CAST: variants seen among roughly 807,000 people sequenced by gnomAD.
CAST encodes MIR583 host.
In CAST, 76 loss-of-function variants were observed where a neutral mutation model predicts 119.6. The ratio of observed to expected loss-of-function variants is 0.64; its 90% CI spans 0.53 to 0.77. The LOEUF is 0.77. Among genes scored for constraint, CAST ranks in the 30% least tolerant of loss-of-function variants. The pLI is 0.00. For synonymous variants in CAST, 319 were observed against 331.6 expected (o/e 0.96, Z 0.41); for missense variants, 953 against 946.5 (o/e 1.01, Z -0.09).
the CAST span, among the ~76,000 whole-genome samples, chr5:96,044,877 A>G: frequency 6.6e-6 from 1 of 152,202 alleles, no homozygotes; most frequent in Admixed American, 6.5e-5. Context: ...AGAGTATATA[A>G]TATATAATTC....
chr5:96,233,541 A>G, the CAST span, among the ~76,000 whole-genome samples: 2 of 152,198 alleles, frequency 1.3e-5, no homozygotes, highest in African/African-American at 4.8e-5. Flanking sequence ...TTGAGTTGAC[A>G]TAAAGCCCTA....
At chr5:96,756,584 A>G (rs1766377378) in intron 22 of CAST, among the ~76,000 whole-genome samples, 1 of 152,200 alleles carries the variant, frequency 6.6e-6, no homozygotes. Context: ...TCAGCACTCA[A>G]AAAGTTTCAA....
At position 96,742,749 on chromosome 5, in the gene CAST, T is replaced by C. The variant is rs1355799280; in HGVS notation, c.1193T>C (p.Val398Ala). The C allele has an allele frequency of 6.2e-7, 1 of 1,611,732 alleles. No individual in the cohort carries two copies. The highest frequency in any genetic ancestry group is 8.5e-7 in the Non-Finnish European group (1 of 1,178,030). ...CTCGACCTCCGCTCAATTAAGGAAG[T>C]CGATGAGGTACTGACCTTAGAGTTG... ...PELDLRSIKEVDEAKAKEEKL... is the reference protein window; with the variant it reads ...PELDLRSIKEADEAKAKEEKL... The change falls in exon 16 of 32, where the codon GTC (valine) becomes GCC (alanine). Residue 398 changes from valine to alanine, a missense_variant. By Grantham distance (64) the Val-to-Ala change is moderately conservative. Transcript: ENST00000675179.
chr5:96,287,922 A>C, the CAST span, among the ~76,000 whole-genome samples: 1 of 152,208 alleles, frequency 6.6e-6, no homozygotes, highest in Non-Finnish European at 1.5e-5. Context: ...AACTTGAAAC[A>C]GAAAATCTTT....
At chr5:96,055,302 AAC>A in the CAST span, among the ~76,000 whole-genome samples, 1 of 152,198 alleles carries the variant, frequency 6.6e-6, no homozygotes, top group African/African-American at 2.4e-5. Context: ...CAATTCTATT[AAC>A]ACAAATTAAG....
the CAST span, among the ~76,000 whole-genome samples, chr5:96,009,626 C>T: frequency 1.3e-5 from 2 of 152,006 alleles, no homozygotes; most frequent in Non-Finnish European, 2.9e-5. Flanking sequence ...TGTCCGTTGC[C>T]TATTTTTTAA....
chr5:96,047,295 A>G, the CAST span, among the ~76,000 whole-genome samples: 1 of 152,298 alleles, frequency 6.6e-6, no homozygotes, highest in South Asian at 2.1e-4. Context: ...CTTCATTGGT[A>G]GTAAGAGAGA....
chr5:96,344,185 T>G, the CAST span, among the ~76,000 whole-genome samples: 1 of 149,178 alleles, frequency 6.7e-6, no homozygotes, highest in Middle Eastern at 3.4e-3. Flanking sequence ...CCGCAAGCCC[T>G]AAAGCAATAG....
rs971402718 is a variant in CAST, at chr5:96,568,331, G to A, written c.60+38451G>A. On this transcript the variant is annotated intron_variant, in intron 1 of 11. Coordinates refer to the CAST transcript ENST00000505143. ...TGTAATCTCAGCACTTTGGGAGGCC[G>A]AAGCAGGCAGATCACTTGAGGTCAG... Among the ~76,000 whole-genome samples the A allele has an allele frequency of 3.3e-5, 5 of 152,170 alleles. 1 individual carries two copies. Among genetic ancestry groups the A allele is most frequent in the South Asian group, 4.2e-4 (2 of 4,818 alleles).
At chr5:96,767,798 T>C (rs1229164893) in intron 28 of CAST, 109 bp from the exon 29 acceptor site, 1 of 691,144 alleles carries the variant, frequency 1.4e-6, no homozygotes, top group African/African-American at 1.8e-5. Flanking sequence ...TGTCAGTCAG[T>C]TTTTTTCTTA....
intron 1 of CAST, among the ~76,000 whole-genome samples, chr5:96,644,999 C>T (rs1747997709): frequency 6.6e-6 from 1 of 152,060 alleles, no homozygotes; most frequent in African/African-American, 2.4e-5. Flanking sequence ...AAATAAAACC[C>T]AAAACTCCAG....
the CAST span, among the ~76,000 whole-genome samples, chr5:96,452,398 A>T: frequency 1.3e-5 from 2 of 152,106 alleles, no homozygotes; most frequent in Non-Finnish European, 2.9e-5. Flanking sequence ...AGGAATAGAA[A>T]ACCAAACACC....
the CAST span, among the ~76,000 whole-genome samples, chr5:96,485,226 C>G: frequency 6.6e-6 from 1 of 152,150 alleles, no homozygotes; most frequent in South Asian, 2.1e-4. Context: ...TGCTGTCTTA[C>G]CTGAAGGAAC....
the CAST span, among the ~76,000 whole-genome samples, chr5:96,123,863 G>A: frequency 3.1e-3 from 474 of 152,174 alleles, 1 homozygote; most frequent in Non-Finnish European, 4.9e-3. Context: ...ATGGCCTATC[G>A]TTCCTTAAAA....
At chr5:96,718,734 C>G (rs1757640407) in intron 3 of CAST, among the ~76,000 whole-genome samples, 1 of 152,080 alleles carries the variant, frequency 6.6e-6, no homozygotes, top group Non-Finnish European at 1.5e-5. Flanking sequence ...GGAACATGCA[C>G]GCAGCCCAGT....
chr5:96,061,547 C>A, the CAST span, among the ~76,000 whole-genome samples: 2 of 151,944 alleles, frequency 1.3e-5, no homozygotes, highest in Non-Finnish European at 2.9e-5. Flanking sequence ...TGGGTACAAG[C>A]CAAAAATAGA....
the CAST span, among the ~76,000 whole-genome samples, chr5:96,348,819 C>A: frequency 6.6e-6 from 1 of 152,120 alleles, no homozygotes; most frequent in Non-Finnish European, 1.5e-5. Flanking sequence ...CATGAACCCA[C>A]TTCCAGCCCT....
At chr5:96,407,755 A>G in the CAST span, among the ~76,000 whole-genome samples, 1 of 152,240 alleles carries the variant, frequency 6.6e-6, no homozygotes, top group Non-Finnish European at 1.5e-5. Context: ...TGATGTGGTT[A>G]TATCAGCTCC....
At chr5:96,151,340 T>G in the CAST span, among the ~76,000 whole-genome samples, 6 of 152,154 alleles carry the variant, frequency 3.9e-5, no homozygotes, top group African/African-American at 7.2e-5. Context: ...AAATGTTGAA[T>G]TATAAAACCG....
Sources: gnomAD v4.1 joint callset for allele counts (sites outside exome capture counted in the v4.1 genomes callset) on GRCh38, gnomAD v4.1.1 for gene constraint, MANE v1.5 for transcripts, NCBI Gene and HGNC (gene_info 2026-07-23, HGNC 2026-07-21) for gene names.